Variants in TRIM2 observed in about 807,000 individuals in gnomAD.
TRIM2 encodes tripartite motif containing 2.
Under a neutral mutation model 75.2 loss-of-function variants are expected in TRIM2, and 20 were observed. The observed-to-expected ratio is 0.27, with a 90% CI of 0.19 to 0.39. The LOEUF (loss-of-function observed/expected upper bound fraction) is 0.39. TRIM2 is among the 10% of genes least tolerant of loss of function. The probability of loss-of-function intolerance (pLI) is 1.00; values close to 1 mark genes in which losing one functional copy is unlikely to be tolerated. For missense variants in TRIM2, 660 were observed against 990.8 expected, an observed-to-expected ratio of 0.67 and a Z score of 4.48; for synonymous variants, 373 against 388.3, an observed-to-expected ratio of 0.96 and a Z score of 0.46.
chr4:153,259,209 A>G (rs1752802413), intron 1 of TRIM2, among the ~76,000 whole-genome samples: 1 of 152,234 alleles, frequency 6.6e-6, no homozygotes, highest in Non-Finnish European at 1.5e-5. Context: ...CGTTTTTTCC[A>G]TAGGTAATAC....
intron 6 of TRIM2, chr4:153,308,354 G>A (rs1765490017): frequency 7.5e-6 from 9 of 1,193,496 alleles, no homozygotes; most frequent in Non-Finnish European, 1.1e-5. Flanking sequence ...GCAGCTCTTG[G>A]TTGGTTCTTG....
At chr4:153,203,662 C>T (rs983641087), upstream of TRIM2, among the ~76,000 whole-genome samples, 41 of 151,844 alleles carry the variant, frequency 2.7e-4, no homozygotes, top group Middle Eastern at 3.4e-3. Context: ...GAGGCCAAGG[C>T]GGGCGGATCA....
intron 1 of TRIM2, among the ~76,000 whole-genome samples, chr4:153,175,495 G>C (rs1224369837): frequency 2.0e-5 from 3 of 152,028 alleles, no homozygotes; most frequent in African/African-American, 7.3e-5. Context: ...CGGGGGGAGG[G>C]GGTGCATGGC....
At chr4:153,187,347 G>A (rs766901632) in intron 1 of TRIM2, among the ~76,000 whole-genome samples, 1 of 152,178 alleles carries the variant, frequency 6.6e-6, no homozygotes, top group Non-Finnish European at 1.5e-5. Context: ...GCAACCCTAA[G>A]CCCATTTACC....
intron 6 of TRIM2, among the ~76,000 whole-genome samples, chr4:153,302,648 G>T (rs942182575): frequency 2.0e-5 from 3 of 152,190 alleles, no homozygotes; most frequent in African/African-American, 7.2e-5. Flanking sequence ...GTGTGAAAAG[G>T]TCAAAGGGAT....
At chr4:153,190,215 G>A (rs963823366) in intron 1 of TRIM2, among the ~76,000 whole-genome samples, 24 of 152,236 alleles carry the variant, frequency 1.6e-4, no homozygotes, top group African/African-American at 5.3e-4. Context: ...CTGTAGAGAA[G>A]ATGAATTCTG....
intron 1 of TRIM2, among the ~76,000 whole-genome samples, chr4:153,174,419 C>T (rs184709880): frequency 1.2e-4 from 19 of 152,176 alleles, no homozygotes; most frequent in African/African-American, 4.6e-4. Flanking sequence ...ATAAGCACCT[C>T]CCAGGCCTCC....
chr4:153,231,961 G>A (rs963072007), intron 1 of TRIM2, among the ~76,000 whole-genome samples: 1 of 152,126 alleles, frequency 6.6e-6, no homozygotes, highest in Non-Finnish European at 1.5e-5. Context: ...CTGACATGAT[G>A]CTCAAAGGAA....
intron 1 of TRIM2, among the ~76,000 whole-genome samples, chr4:153,251,059 T>G (rs1750754534): frequency 6.6e-6 from 1 of 152,220 alleles, no homozygotes; most frequent in Non-Finnish European, 1.5e-5. Flanking sequence ...ATTAATCTAC[T>G]CCTATCCACA....
chr4:153,334,380 T>C lies in TRIM2; in HGVS notation c.2164-434T>C, dbSNP rs139523713. On this transcript the variant is annotated intron_variant, in intron 11 of 11. Transcript: ENST00000338700. ...TGATTACTTAAGTGCTTTTTTGTTT[T>C]GCTTTTTTTTTTTTCTGCTTTTTTT... Among the ~76,000 whole-genome samples the C allele has an allele frequency of 8.8e-3, 1,335 of 151,450 alleles. 72 individuals carry two copies. Among genetic ancestry groups the C allele is most frequent in the Admixed American group, 0.075 (1,134 of 15,208 alleles).
chr4:153,338,648 A>C lies in TRIM2; in HGVS notation c.*3682A>C, dbSNP rs1159565144. 1.0e-6 allele frequency: 1 copy of C among 985,688 alleles called. No homozygotes were observed. Among genetic ancestry groups the C allele is most frequent in the East Asian group, 1.1e-4 (1 of 8,834 alleles). 61.1% of individuals were successfully genotyped at this position (985,688 alleles called of 1,614,324 possible). On this transcript the variant is annotated 3_prime_UTR_variant, in exon 12 of 12. Transcript: ENST00000338700. ...AATTATTTGTTTTGTTTTCAATGAC[A>C]GTAAGCTACAAATCATGATGCTTAA...
intron 1 of TRIM2, among the ~76,000 whole-genome samples, chr4:153,219,257 C>T (rs963470992): frequency 1.3e-5 from 2 of 152,104 alleles, no homozygotes; most frequent in East Asian, 1.9e-4. Context: ...GCAGACCCAA[C>T]TGTTGAGGAG....
At chr4:153,185,219 G>C (rs1732474883) in intron 1 of TRIM2, among the ~76,000 whole-genome samples, 1 of 152,218 alleles carries the variant, frequency 6.6e-6, no homozygotes, top group Admixed American at 6.5e-5. Flanking sequence ...GGTTCCCCAA[G>C]AGCAGAGTTT....
intron 1 of TRIM2, among the ~76,000 whole-genome samples, chr4:153,215,970 T>C (rs1385802235): frequency 6.6e-6 from 1 of 152,200 alleles, no homozygotes; most frequent in Non-Finnish European, 1.5e-5. Flanking sequence ...TTTTTTGTTG[T>C]TGGTTTATGC....
At chr4:153,262,621 G>A (rs1053242418) in intron 1 of TRIM2, among the ~76,000 whole-genome samples, 8 of 152,100 alleles carry the variant, frequency 5.3e-5, no homozygotes, top group African/African-American at 1.2e-4. Context: ...GGAATCTTGC[G>A]ACCTGTGGCT....
chr4:153,155,683 C>A (rs1186773441), intron 1 of TRIM2, among the ~76,000 whole-genome samples: 1 of 152,120 alleles, frequency 6.6e-6, no homozygotes, highest in Non-Finnish European at 1.5e-5. Context: ...ATGGCCCCAG[C>A]CCAGCCATTC....
rs554454953 is a variant in TRIM2, at chr4:153,335,052, G to C, written c.*86G>C. ...AATGCGGGACCAGATTATGACTAGA[G>C]TTTTTATGCCAGAAGGAATCATTGG... On this transcript the variant is annotated 3_prime_UTR_variant, in exon 12 of 12. Coordinates refer to ENST00000338700, the MANE Select transcript of TRIM2 (RefSeq NM_015271.5). 8.9e-6 allele frequency: 12 copies of C among 1,348,728 alleles called. No homozygotes were observed. The African/African-American group carries it at 1.5e-4, about 16-fold the overall frequency. The allele number at this position is 1,348,728 out of a possible 1,614,324, so 83.5% of individuals were successfully genotyped here.
chr4:153,209,079 A>G (rs1736238266), intron 1 of TRIM2, among the ~76,000 whole-genome samples: 1 of 152,200 alleles, frequency 6.6e-6, no homozygotes, highest in Non-Finnish European at 1.5e-5. Flanking sequence ...TCCAGCAGCC[A>G]AAGATCTAAC....
chr4:153,278,235 G>C (rs1157401060), intron 3 of TRIM2, among the ~76,000 whole-genome samples: 1 of 152,022 alleles, frequency 6.6e-6, no homozygotes, highest in East Asian at 1.9e-4. Context: ...CCTGTCCTCT[G>C]CCCCAGTATC....
Sources: gnomAD v4.1 joint callset for allele counts (sites outside exome capture counted in the v4.1 genomes callset) on GRCh38, gnomAD v4.1.1 for gene constraint, MANE v1.5 for transcripts, NCBI Gene and HGNC (gene_info 2026-07-23, HGNC 2026-07-21) for gene names.